GRHL2: variants seen among roughly 807,000 people sequenced by gnomAD.
GRHL2 encodes the protein grainyhead-like protein 2 homolog.
Under a neutral mutation model 83.8 loss-of-function variants are expected in GRHL2, and 21 were observed. That is an observed-to-expected ratio of 0.25 (90% CI 0.18 to 0.36). The LOEUF (loss-of-function observed/expected upper bound fraction) is 0.36. GRHL2 is among the 10% of genes least tolerant of loss of function. The probability of loss-of-function intolerance (pLI) is 1.00; values close to 1 mark genes in which losing one functional copy is unlikely to be tolerated. For missense variants in GRHL2, 623 were observed against 781.8 expected, an observed-to-expected ratio of 0.80 and a Z score of 2.42; for synonymous variants, 280 against 278.9, an observed-to-expected ratio of 1.00 and a Z score of -0.04.
chr8:101,540,356 AC>A (rs1299328810), intron 1 of GRHL2, among the ~76,000 whole-genome samples: 4 of 152,116 alleles, frequency 2.6e-5, no homozygotes, highest in Non-Finnish European at 5.9e-5. Flanking sequence ...GGCCTATACT[AC>A]TTCATGTCAC....
intron 8 of GRHL2, among the ~76,000 whole-genome samples, chr8:101,600,240 G>A (rs1188904930): frequency 6.6e-6 from 1 of 152,236 alleles, no homozygotes; most frequent in Non-Finnish European, 1.5e-5. Flanking sequence ...GCCTGGAGAA[G>A]TTTCCGTGGC....
rs1481235851 is a variant in GRHL2 at position 101,598,416 on chromosome 8, T to A, written c.1004-641T>A. Among the ~76,000 whole-genome samples, 3 of 151,788 alleles carry A rather than the reference T, an allele frequency of 2.0e-5. No individual in the cohort carries two copies. In the East Asian group the frequency reaches 5.8e-4, roughly 29 times the overall value. ...CACCATGCCCGGCTAATTTTTATAT[T>A]TTTAGTAGAGACAGGGTTTCACCAT... On this transcript the variant is annotated intron_variant, in intron 7 of 15. Coordinates refer to ENST00000646743, the MANE Select transcript of GRHL2 (RefSeq NM_024915.4).
At position 101,632,242 on chromosome 8, in the gene GRHL2, G is replaced by C; in HGVS notation, c.1362G>C (p.Leu454Phe). 5 of 1,614,006 alleles carry C rather than the reference G, an allele frequency of 3.1e-6. No individual in the cohort carries two copies. Among genetic ancestry groups the C allele is most frequent in the Non-Finnish European group, 4.2e-6 (5 of 1,179,926 alleles). ...TQCNSSSDGK[L>F]AAIPLQKKSD... Reference sequence around the variant, plus strand: ...CCCATCCAGCCTCTGATGGGAAGTTGGCTGCCATACCTTTACAGAAGAAGA... The same window carrying C: ...CCCATCCAGCCTCTGATGGGAAGTTCGCTGCCATACCTTTACAGAAGAAGA... The change falls in exon 11 of 16, where the codon TTG becomes TTC. Residue 454 changes from leucine to phenylalanine, a missense_variant. Physicochemically the swap from Leu to Phe is conservative, Grantham distance 22. Around this residue, in one of 8 missense-constraint regions of GRHL2, gnomAD observed 210 missense variants for 254.8 expected, o/e 0.82. Coordinates refer to ENST00000646743, the MANE Select transcript of GRHL2 (RefSeq NM_024915.4).
In GRHL2 at chr8:101,585,478, A is replaced by T. The variant is rs151303948; in HGVS notation, c.1003+7959A>T. Among the ~76,000 whole-genome samples, 651 of 152,298 alleles carry T rather than the reference A, an allele frequency of 4.3e-3. 1 individual carries two copies. Among genetic ancestry groups the T allele is most frequent in the African/African-American group, 0.015 (630 of 41,554 alleles). ...AGGCTGTAGTTGGAGCTCAGTCAGA[A>T]GAGCGAGCTCCATCCCCACGTCCTC... On this transcript the variant is annotated intron_variant, in intron 7 of 15. Transcript: ENST00000646743.
At chr8:101,564,205 G>T (rs763056647) in intron 4 of GRHL2, among the ~76,000 whole-genome samples, 1 of 152,130 alleles carries the variant, frequency 6.6e-6, no homozygotes. Flanking sequence ...TTTCAGCCTG[G>T]TGTAAATTAA....
rs1813337082 is a variant in GRHL2 at position 101,638,592 on chromosome 8, T to G, written c.1517+1664T>G. 2.6e-5 allele frequency among the ~76,000 whole-genome samples: 4 copies of G among 152,138 alleles called. No homozygotes were observed. In the South Asian group the frequency reaches 8.3e-4, roughly 32 times the overall value. On this transcript the variant is annotated intron_variant, in intron 12 of 15. Coordinates refer to ENST00000646743, the MANE Select transcript of GRHL2 (RefSeq NM_024915.4). The stretch of plus-strand genomic sequence containing the variant: ...CTGCCTGCCCCTTTACAGAAAAAGT[T>G]TGCCACCTTCTATCCTAAAAGATAG...
rs71276976 is a variant in GRHL2, at chr8:101,493,429, CCCCTCCCCCGCCT to C, written c.20+651_20+663del. ...CTCCCTCGACATCCCGCCTTCCTCC[CCCCTCCCCCGCCT>C]CCCTCCCCCGGGTCCGCCCCCGCAT... On this transcript the variant is annotated intron_variant, in intron 1 of 15. Coordinates refer to ENST00000646743, the MANE Select transcript of GRHL2 (RefSeq NM_024915.4). Among the ~76,000 whole-genome samples, 120,490 of 151,132 alleles carry C rather than the reference CCCCTCCCCCGCCT, an allele frequency of 0.8. 49,803 individuals are homozygous for C. Among genetic ancestry groups the C allele is most frequent in the Non-Finnish European group, 0.92 (62,268 of 67,670 alleles).
intron 14 of GRHL2, among the ~76,000 whole-genome samples, chr8:101,659,853 G>T (rs1183524803): frequency 6.6e-6 from 1 of 152,176 alleles, no homozygotes; most frequent in South Asian, 2.1e-4. Flanking sequence ...GATGTTCAAG[G>T]AAACTTTCTA....
intron 1 of GRHL2, 60 bp downstream of exon 1, chr8:101,492,849 GGTTT>G (rs1453044503): frequency 2.7e-6 from 4 of 1,506,898 alleles, no homozygotes; most frequent in Non-Finnish European, 3.7e-6. Flanking sequence ...GATGGCAACT[GGTTT>G]GTTATGTTTT....
chr8:101,659,561 G>T (rs530739283), intron 14 of GRHL2, among the ~76,000 whole-genome samples: 6 of 152,168 alleles, frequency 3.9e-5, no homozygotes, highest in Non-Finnish European at 8.8e-5. Context: ...CTGAGAATTG[G>T]CTATGTCTGG....
chr8:101,639,786 G>A lies in GRHL2; in HGVS notation c.1517+2858G>A, dbSNP rs542173863. ...ACCATATGTGTTCACCTAGCCCTAA[G>A]GAGTGCCAGCTTCGCTGGTATTTGT... On this transcript the variant is annotated intron_variant, in intron 12 of 15. Transcript: ENST00000646743. Among the ~76,000 whole-genome samples, 3 of 152,354 alleles carry A rather than the reference G, an allele frequency of 2.0e-5. No homozygotes were observed. In the East Asian group the frequency reaches 5.8e-4, roughly 29 times the overall value.
intron 1 of GRHL2, among the ~76,000 whole-genome samples, chr8:101,505,705 T>C (rs1158531756): frequency 6.6e-6 from 1 of 152,048 alleles, no homozygotes; most frequent in Non-Finnish European, 1.5e-5. Flanking sequence ...AAACATTCTA[T>C]AAGGTATGTT....
chr8:101,663,364 A>G (rs1226263361), intron 14 of GRHL2, among the ~76,000 whole-genome samples: 3 of 152,116 alleles, frequency 2.0e-5, no homozygotes, highest in African/African-American at 4.8e-5. Flanking sequence ...CTGTAATCCC[A>G]GGACTTTGGG....
At chr8:101,526,754 C>T (rs982497173) in intron 1 of GRHL2, among the ~76,000 whole-genome samples, 14 of 152,202 alleles carry the variant, frequency 9.2e-5, no homozygotes, top group Admixed American at 7.2e-4. Context: ...AAGCACTGCA[C>T]GAGTGCTTTT....
rs148270622 is a variant in GRHL2, at chr8:101,520,151, T to C, written c.21-23090T>C. On this transcript the variant is annotated intron_variant, in intron 1 of 15. Coordinates refer to ENST00000646743, the MANE Select transcript of GRHL2 (RefSeq NM_024915.4). ...TACAGACTTTCCCATTACTTTCTTG[T>C]GGAACACTTGTAAGTTTCTAATCTA... is the stretch of plus-strand genomic sequence containing the variant. Among the ~76,000 whole-genome samples, 11 of 152,354 alleles carry C rather than the reference T, an allele frequency of 7.2e-5. No homozygotes were observed. The East Asian group carries it at 1.5e-3, about 21-fold the overall frequency.
intron 1 of GRHL2, among the ~76,000 whole-genome samples, chr8:101,538,380 C>T (rs994765278): frequency 1.3e-5 from 2 of 152,098 alleles, no homozygotes; most frequent in African/African-American, 4.8e-5. Flanking sequence ...TGACTCATCT[C>T]TCAGCCATCT....
In GRHL2 at chr8:101,522,738, C is replaced by CAT. The variant is rs1356934567; in HGVS notation, c.21-20491_21-20490dup. ...AAGTATGTTTATACATATACATATA[C>CAT]ATATATATATATACACACACATATA... On this transcript the variant is annotated intron_variant, in intron 1 of 15. Coordinates refer to ENST00000646743, the MANE Select transcript of GRHL2 (RefSeq NM_024915.4). Among the ~76,000 whole-genome samples the CAT allele has an allele frequency of 1.2e-3, 158 of 135,234 alleles. 1 individual carries two copies. The highest frequency in any genetic ancestry group is 0.011 in the Middle Eastern group (3 of 262). 88.7% of individuals were successfully genotyped at this position (135,234 alleles called of 152,430 possible).
At chr8:101,616,946 A>G (rs1812869046) in intron 8 of GRHL2, among the ~76,000 whole-genome samples, 1 of 152,236 alleles carries the variant, frequency 6.6e-6, no homozygotes, top group African/African-American at 2.4e-5. Flanking sequence ...TTAATGGTAT[A>G]TATTTAAGAC....
chr8:101,533,190 G>T (rs543978859), intron 1 of GRHL2, among the ~76,000 whole-genome samples: 168 of 152,094 alleles, frequency 1.1e-3, no homozygotes, highest in Non-Finnish European at 1.9e-3. Flanking sequence ...GAGAAAGATA[G>T]TTCAAATTGG....
Sources: allele counts gnomAD v4.1 joint callset (sites outside exome capture counted in the v4.1 genomes callset), GRCh38; gene constraint gnomAD v4.1.1; regional missense constraint gnomAD v4.1.1; transcripts MANE v1.5; gene names NCBI Gene and HGNC (gene_info 2026-07-23, HGNC 2026-07-21).